The following PREX1 variants were observed in gnomAD, a reference collection of about 807,000 sequenced individuals.
PREX1 encodes phosphatidylinositol-3,4,5-trisphosphate dependent Rac exchange factor 1.
In PREX1, 41 loss-of-function variants were observed where a neutral mutation model predicts 198.3. The observed-to-expected ratio is 0.21, with a 90% confidence interval of 0.16 to 0.27. PREX1 has a LOEUF of 0.27. Among genes scored for constraint, PREX1 ranks in the 10% least tolerant of loss-of-function variants. PREX1 has a pLI of 1.00. For synonymous variants in PREX1, 843 were observed against 887.2 expected, an observed-to-expected ratio of 0.95 and a Z score of 0.89; for missense variants, 1,620 against 2,200.7, an observed-to-expected ratio of 0.74 and a Z score of 5.28.
chr20:48,653,750 T>A (rs1054188766), intron 19 of PREX1, among the ~76,000 whole-genome samples: 2 of 152,222 alleles, frequency 1.3e-5, no homozygotes, highest in African/African-American at 4.8e-5. Context: ...CGGGATCCGA[T>A]TCAGGCCCGT....
chr20:48,630,088 A>G (rs1326808086), intron 36 of PREX1, among the ~76,000 whole-genome samples: 1 of 152,054 alleles, frequency 6.6e-6, no homozygotes, highest in African/African-American at 2.4e-5. Flanking sequence ...GAAAGTCCCA[A>G]ACGGCTGTGC....
At chr20:48,746,131 C>T (rs6063317) in intron 2 of PREX1, among the ~76,000 whole-genome samples, 10,760 of 152,282 alleles carry the variant, frequency 0.071, 467 homozygotes, top group South Asian at 0.18. Flanking sequence ...AGCAATTCTC[C>T]TGCCTCAGCC....
chr20:48,657,629 G>T (rs544534190), intron 17 of PREX1, among the ~76,000 whole-genome samples: 1 of 152,320 alleles, frequency 6.6e-6, no homozygotes, highest in East Asian at 1.9e-4. Context: ...GCTCCTTGCA[G>T]CCCAAAGCAT....
At position 48,634,766 on chromosome 20, in the gene PREX1, G is replaced by T; in HGVS notation, c.4177C>A (p.Arg1393=). 1 of 1,614,000 alleles carries T rather than the reference G, an allele frequency of 6.2e-7. No homozygotes were observed. Among genetic ancestry groups the T allele is most frequent in the Non-Finnish European group, 8.5e-7 (1 of 1,179,884 alleles). Residue 1393 remains arginine, a synonymous_variant, in exon 33 of 40, where the codon CGG becomes AGG. Coordinates refer to ENST00000371941, the MANE Select transcript of PREX1 (RefSeq NM_020820.4). Reference sequence around the variant, plus strand: ...ACCCAGATGTCCTCCAGCATGGTCCGTTCCTCCTTCTGCAGGAAGAAGACA... The same window carrying T: ...ACCCAGATGTCCTCCAGCATGGTCCTTTCCTCCTTCTGCAGGAAGAAGACA... The part of the protein sequence containing the change: ...LLSPATVKEE[R]TMLEDIWVTL...
intron 3 of PREX1, among the ~76,000 whole-genome samples, chr20:48,738,863 G>A (rs909800124): frequency 6.6e-6 from 1 of 152,156 alleles, no homozygotes; most frequent in African/African-American, 2.4e-5. Flanking sequence ...AGACCCAGAA[G>A]AGGGAAGGAG....
intron 1 of PREX1, among the ~76,000 whole-genome samples, chr20:48,783,437 A>G (rs1266011782): frequency 1.8e-4 from 28 of 152,142 alleles, no homozygotes; most frequent in Non-Finnish European, 1.2e-4. Context: ...GCACATGTGT[A>G]GTTTCAGGTG....
chr20:48,633,602 C>T (rs1455917783), intron 33 of PREX1, among the ~76,000 whole-genome samples: 1 of 152,160 alleles, frequency 6.6e-6, no homozygotes, highest in Non-Finnish European at 1.5e-5. Context: ...TTTCTGAGGC[C>T]GTAGTTCTGG....
chr20:48,776,156 AT>A (rs2090260275), intron 1 of PREX1, among the ~76,000 whole-genome samples: 2 of 151,918 alleles, frequency 1.3e-5, no homozygotes, highest in African/African-American at 2.4e-5. Flanking sequence ...CCTGAGGCTT[AT>A]TTTCCCCCTC....
chr20:48,681,678 A>ATGGATGGATGGATGGATG (rs2089751944), intron 10 of PREX1, among the ~76,000 whole-genome samples: 6 of 150,090 alleles, frequency 4.0e-5, no homozygotes, highest in African/African-American at 1.2e-4. Flanking sequence ...GTGACTACAT[A>ATGGATGGATGGATGGATG]GATGGATGGA....
chr20:48,868,029 A>G, the PREX1 span, among the ~76,000 whole-genome samples: 7 of 152,084 alleles, frequency 4.6e-5, no homozygotes, highest in Non-Finnish European at 8.8e-5. Context: ...TGAAGTGTAC[A>G]GTTTAGTAGT....
At chr20:48,757,356 C>T (rs1057466765) in intron 1 of PREX1, among the ~76,000 whole-genome samples, 1 of 152,208 alleles carries the variant, frequency 6.6e-6, no homozygotes, top group African/African-American at 2.4e-5. Flanking sequence ...GACCTAGAAC[C>T]GTGCTGGACT....
At chr20:48,678,867 T>C (rs898457003) in intron 13 of PREX1, among the ~76,000 whole-genome samples, 3 of 152,186 alleles carry the variant, frequency 2.0e-5, no homozygotes, top group African/African-American at 7.2e-5. Flanking sequence ...AACAGACTAA[T>C]ACAGAGGACA....
intron 18 of PREX1, 25 bp from the exon 19 acceptor site, chr20:48,655,400 A>G (rs201645530): frequency 1.7e-5 from 25 of 1,460,552 alleles, no homozygotes; most frequent in Middle Eastern, 1.7e-4. Context: ...AGAGGCAGGG[A>G]AAAAGGCCAT....
At chr20:48,864,335 G>C in the PREX1 span, among the ~76,000 whole-genome samples, 1 of 152,216 alleles carries the variant, frequency 6.6e-6, no homozygotes, top group Non-Finnish European at 1.5e-5. Context: ...GGGAACAAGA[G>C]AGATGTCCGT....
At chr20:48,721,193 G>T (rs762013963) in intron 5 of PREX1, among the ~76,000 whole-genome samples, 1 of 152,224 alleles carries the variant, frequency 6.6e-6, no homozygotes, top group African/African-American at 2.4e-5. Context: ...ACCCTGTGCA[G>T]GCACCATTCC....
intron 1 of PREX1, among the ~76,000 whole-genome samples, chr20:48,804,395 G>C (rs2145835): frequency 0.057 from 8,732 of 152,256 alleles, 338 homozygotes; most frequent in African/African-American, 0.099. Context: ...GGAGGCCAGG[G>C]AAGGCTGGGC....
intron 15 of PREX1, among the ~76,000 whole-genome samples, chr20:48,664,292 G>A (rs1172096508): frequency 6.6e-6 from 1 of 151,828 alleles, no homozygotes; most frequent in Non-Finnish European, 1.5e-5. Context: ...GGAGAATGGC[G>A]TGAACCCAGG....
At chr20:48,849,063 T>C in the PREX1 span, among the ~76,000 whole-genome samples, 19 of 150,718 alleles carry the variant, frequency 1.3e-4, no homozygotes, top group East Asian at 2.9e-3. Context: ...GCCACTGCAC[T>C]CCAGCCTGGG....
chr20:48,710,096 A>G (rs978248658), intron 5 of PREX1, among the ~76,000 whole-genome samples: 1 of 152,202 alleles, frequency 6.6e-6, no homozygotes, highest in Non-Finnish European at 1.5e-5. Flanking sequence ...ATGAGGCTGG[A>G]AAGGCACTTC....
Sources: allele counts gnomAD v4.1 joint callset (sites outside exome capture counted in the v4.1 genomes callset), GRCh38; gene constraint gnomAD v4.1.1; transcripts MANE v1.5; gene names NCBI Gene and HGNC (gene_info 2026-07-23, HGNC 2026-07-21).